TBC1D31: variants seen among roughly 807,000 people sequenced by gnomAD.
TBC1D31 encodes WD repeat domain 67.
In TBC1D31, 99 loss-of-function variants were observed where a neutral mutation model predicts 132.9. The observed-to-expected ratio is 0.74, with a 90% CI of 0.63 to 0.88. TBC1D31 has a LOEUF of 0.88. Among genes scored for constraint, TBC1D31 ranks in the 40% least tolerant of loss-of-function variants. The pLI, the probability that TBC1D31 is intolerant of heterozygous loss-of-function variation, is 0.00. For missense variants in TBC1D31, 1,134 were observed against 1,256.6 expected (o/e 0.90, Z 1.48); for synonymous variants, 385 against 419.4 (o/e 0.92, Z 1.00).
At chr8:123,085,266 A>G (rs945129357) in intron 4 of TBC1D31, among the ~76,000 whole-genome samples, 1 of 152,202 alleles carries the variant, frequency 6.6e-6, no homozygotes, top group African/African-American at 2.4e-5. Flanking sequence ...TGTGTAACCT[A>G]TGCAGCTGTA....
chr8:123,163,686 A>AT, the TBC1D31 span, among the ~76,000 whole-genome samples: 5 of 151,952 alleles, frequency 3.3e-5, no homozygotes, highest in Non-Finnish European at 7.4e-5. Flanking sequence ...ATTTTTAAAA[A>AT]TTTTTTATTT....
At chr8:123,094,569 C>G (rs370124431) in intron 5 of TBC1D31, among the ~76,000 whole-genome samples, 228 of 151,536 alleles carry the variant, frequency 1.5e-3, no homozygotes, top group African/African-American at 5.4e-3. Flanking sequence ...GACGAAGTCT[C>G]ATTCTTGTCC....
chr8:123,124,952 A>G (rs1254572619), intron 11 of TBC1D31, among the ~76,000 whole-genome samples: 1 of 151,840 alleles, frequency 6.6e-6, no homozygotes, highest in Non-Finnish European at 1.5e-5. Flanking sequence ...AAAAAAAAAA[A>G]AAAATTAAGA....
At position 123,126,119 on chromosome 8, in the gene TBC1D31, T is replaced by C; in HGVS notation, c.1634T>C (p.Ile545Thr). Residue 545 changes from isoleucine (I) to threonine (T), a missense_variant, in exon 12 of 22, where the codon ATA becomes ACA. Coordinates refer to ENST00000287380, the MANE Select transcript of TBC1D31 (RefSeq NM_145647.4). ...PNPPINILSM[I>T]ENVLAFHDKE... ...CCTCCTATCAATATTCTTAGCATGA[T>C]AGAAAATGTTTTGGCATTTCATGAC... 1.9e-6 allele frequency: 3 copies of C among 1,612,428 alleles called. No homozygotes were observed. Among genetic ancestry groups the C allele is most frequent in the South Asian group, 2.2e-5 (2 of 90,738 alleles).
intron 7 of TBC1D31, chr8:123,102,328 A>T (rs1817512342): frequency 2.2e-6 from 1 of 445,204 alleles, no homozygotes. Context: ...ATTACATGAG[A>T]TTGGGTGCAT....
At chr8:123,128,546 C>T in intron 14 of TBC1D31, 33 bp downstream of exon 14, 1 of 1,427,668 alleles carries the variant, frequency 7.0e-7, no homozygotes, top group South Asian at 1.2e-5. Context: ...TTTTCTGATA[C>T]AATGAAATAT....
rs540763007 is a variant in TBC1D31, at chr8:123,113,913, T to A, written c.1436+4293T>A. ...TAACCAAATTCAATGAGTGAGCCTT[T>A]TTTTTCTGCTACAAAAATGGATCAA... On this transcript the variant is annotated intron_variant, in intron 10 of 21. Coordinates refer to ENST00000287380, the MANE Select transcript of TBC1D31 (RefSeq NM_145647.4). Among the ~76,000 whole-genome samples, 20 of 152,344 alleles carry A rather than the reference T, an allele frequency of 1.3e-4. No individual in the cohort carries two copies. In the South Asian group the frequency reaches 4.1e-3, roughly 32 times the overall value.
chr8:123,123,496 T>G (rs1819695481), intron 11 of TBC1D31: 1 of 154,504 alleles, frequency 6.5e-6, no homozygotes, highest in Non-Finnish European at 1.5e-5. Context: ...GGGAGAGACG[T>G]GGAGCAACAC....
chr8:123,124,468 A>G (rs534912684), intron 11 of TBC1D31, among the ~76,000 whole-genome samples: 4 of 152,276 alleles, frequency 2.6e-5, no homozygotes, highest in African/African-American at 9.6e-5. Flanking sequence ...GCAGACGGTT[A>G]CTGTATGCAG....
At chr8:123,096,306 G>A (rs1816831042) in intron 5 of TBC1D31, among the ~76,000 whole-genome samples, 1 of 151,928 alleles carries the variant, frequency 6.6e-6, no homozygotes, top group South Asian at 2.1e-4. Context: ...CCACATCCGA[G>A]TATAGCAGTG....
intron 4 of TBC1D31, among the ~76,000 whole-genome samples, chr8:123,086,545 G>T (rs1188961010): frequency 6.6e-6 from 1 of 151,976 alleles, no homozygotes; most frequent in African/African-American, 2.4e-5. Flanking sequence ...TTTTGGTAGT[G>T]CCCCGGTCAC....
At chr8:123,100,433 G>A (rs574256168) in intron 6 of TBC1D31, among the ~76,000 whole-genome samples, 8 of 152,072 alleles carry the variant, frequency 5.3e-5, no homozygotes, top group Non-Finnish European at 8.8e-5. Context: ...AAAATTAGCC[G>A]GGCCTGGTGA....
At chr8:123,140,420 G>A (rs1276831976) in intron 17 of TBC1D31, among the ~76,000 whole-genome samples, 1 of 152,154 alleles carries the variant, frequency 6.6e-6, no homozygotes, top group Non-Finnish European at 1.5e-5. Context: ...AAAAATGCAA[G>A]ATGAAATGTC....
Position 123,144,836 on chromosome 8 carries a change from T to G in TBC1D31, c.2955T>G (p.Ala985=). 2 of 1,612,686 alleles carry G rather than the reference T, an allele frequency of 1.2e-6. No individual in the cohort carries two copies. Among genetic ancestry groups the G allele is most frequent in the Non-Finnish European group, 1.7e-6 (2 of 1,179,664 alleles). The change falls in exon 20 of 22, where the codon GCT becomes GCG. Residue 985 remains alanine (A), a synonymous_variant. Transcript: ENST00000287380. ...AGATAAATGCGGCTGTAGAACATGCTGAAAATCCATGTCATAAAGGTGAGT... is the reference window on the plus strand; with the variant it reads ...AGATAAATGCGGCTGTAGAACATGCGGAAAATCCATGTCATAAAGGTGAGT... ...KQEINAAVEH[A]ENPCHKEEPR... is the part of the protein sequence containing the mutation.
In TBC1D31 at chr8:123,109,551, A is replaced by C. The variant is rs139426980; in HGVS notation, c.1367A>C (p.His456Pro). The part of the protein sequence containing the change: ...AFSTLIDKGT[H>P]VAFLNLQKKY... ...AGTACCCTCATAGATAAGGGGACTC[A>C]TGTGGCATTTCTCAACCTTCAGAAG... Residue 456 changes from histidine (H) to proline (P), a missense_variant, in exon 10 of 22, where the codon CAT (histidine) becomes CCT (proline). Coordinates refer to ENST00000287380, the MANE Select transcript of TBC1D31 (RefSeq NM_145647.4). 4.3e-5 allele frequency: 70 copies of C among 1,613,684 alleles called. No individual in the cohort carries two copies. The highest frequency in any genetic ancestry group is 5.5e-5 in the Non-Finnish European group (65 of 1,179,728).
chr8:123,160,805 G>T, the TBC1D31 span, among the ~76,000 whole-genome samples: 2 of 152,184 alleles, frequency 1.3e-5, no homozygotes, highest in Admixed American at 1.3e-4. Flanking sequence ...CAGATATTTC[G>T]CTCCGTAAAG....
At chr8:123,158,653 GA>G in the TBC1D31 span, among the ~76,000 whole-genome samples, 1 of 152,180 alleles carries the variant, frequency 6.6e-6, no homozygotes, top group Non-Finnish European at 1.5e-5. Flanking sequence ...GAATTTGAGA[GA>G]TACGGCGGGG....
At chr8:123,108,910 A>C (rs1157795917) in intron 8 of TBC1D31, among the ~76,000 whole-genome samples, 1 of 152,102 alleles carries the variant, frequency 6.6e-6, no homozygotes, top group Non-Finnish European at 1.5e-5. Flanking sequence ...CACTTAACAA[A>C]ACCATCAGAT....
intron 1 of TBC1D31, among the ~76,000 whole-genome samples, chr8:123,076,338 A>ATG (rs71310650): frequency 0.013 from 1,928 of 149,420 alleles, 35 homozygotes; most frequent in African/African-American, 0.034. Flanking sequence ...AATTGTGTGT[A>ATG]TGTGTGTGTG....
Sources: gnomAD v4.1 joint callset for allele counts (sites outside exome capture counted in the v4.1 genomes callset) on GRCh38, gnomAD v4.1.1 for gene constraint, MANE v1.5 for transcripts, NCBI Gene and HGNC (gene_info 2026-07-23, HGNC 2026-07-21) for gene names.